MAN2A1: variants seen among roughly 807,000 people sequenced by gnomAD.
MAN2A1 encodes alpha-mannosidase 2.
In MAN2A1, 76 loss-of-function variants were observed where a neutral mutation model predicts 142.6. That is an observed-to-expected ratio of 0.53 (90% CI 0.44 to 0.65). The LOEUF (loss-of-function observed/expected upper bound fraction) is 0.65. MAN2A1 is among the 30% of genes least tolerant of loss of function. The pLI is 0.00. For synonymous variants in MAN2A1, 559 were observed against 473.2 expected (o/e 1.18, Z -2.35); for missense variants, 1,311 against 1,365.1 (o/e 0.96, Z 0.62).
chr5:109,759,399 G>A (rs538879303), intron 5 of MAN2A1, among the ~76,000 whole-genome samples: 1 of 152,164 alleles, frequency 6.6e-6, no homozygotes, highest in African/African-American at 2.4e-5. Flanking sequence ...ATTGATTTTT[G>A]TTAGTGATCT....
At chr5:109,840,995 C>T (rs1476878776) in intron 16 of MAN2A1, among the ~76,000 whole-genome samples, 1 of 152,190 alleles carries the variant, frequency 6.6e-6, no homozygotes, top group Admixed American at 6.5e-5. Context: ...CTTCCTTACT[C>T]CTTTCCTACC....
At chr5:109,822,103 A>G (rs1348884192) in intron 15 of MAN2A1, among the ~76,000 whole-genome samples, 1 of 150,992 alleles carries the variant, frequency 6.6e-6, no homozygotes, top group African/African-American at 2.4e-5. Context: ...TGTGTAGGCT[A>G]CAGTAAGGAC....
intron 4 of MAN2A1, among the ~76,000 whole-genome samples, chr5:109,740,074 C>T (rs774037397): frequency 6.6e-6 from 1 of 152,168 alleles, no homozygotes; most frequent in African/African-American, 2.4e-5. Context: ...TTTGTTAAGC[C>T]TGGACTTTTA....
intron 6 of MAN2A1, among the ~76,000 whole-genome samples, chr5:109,769,454 A>G (rs1377389630): frequency 6.6e-6 from 1 of 152,174 alleles, no homozygotes; most frequent in Non-Finnish European, 1.5e-5. Flanking sequence ...CGTAAGCAGT[A>G]CATACTCATT....
intron 8 of MAN2A1, among the ~76,000 whole-genome samples, chr5:109,775,284 G>GT (rs1753254241): frequency 6.6e-6 from 1 of 151,796 alleles, no homozygotes; most frequent in Non-Finnish European, 1.5e-5. Context: ...GTTTTGTTTT[G>GT]TTTTTTTACC....
At chr5:109,866,391 C>T (rs1241513415) in intron 21 of MAN2A1, among the ~76,000 whole-genome samples, 2 of 152,068 alleles carry the variant, frequency 1.3e-5, no homozygotes, top group Non-Finnish European at 2.9e-5. Flanking sequence ...TCTCTTAACT[C>T]TGTTGGAACA....
chr5:109,762,109 A>G (rs904076328), intron 5 of MAN2A1, among the ~76,000 whole-genome samples: 1 of 152,152 alleles, frequency 6.6e-6, no homozygotes, highest in Non-Finnish European at 1.5e-5. Context: ...TCATATGTAT[A>G]TTTAAACACA....
At chr5:109,831,012 A>C (rs1754892605) in intron 16 of MAN2A1, among the ~76,000 whole-genome samples, 1 of 152,234 alleles carries the variant, frequency 6.6e-6, no homozygotes, top group African/African-American at 2.4e-5. Context: ...TGAAGGGCAC[A>C]GGGATGGGGG....
chr5:109,847,717 A>G lies in MAN2A1; in HGVS notation c.2903A>G (p.Gln968Arg). The G allele has an allele frequency of 6.2e-7, 1 of 1,604,320 alleles. No homozygotes were observed. The highest frequency in any genetic ancestry group is 1.3e-5 in the African/African-American group (1 of 74,584). Residue 968 changes from glutamine to arginine, a missense_variant, in exon 19 of 22, where the codon CAA becomes CGA. By Grantham distance (43) the Gln-to-Arg change is conservative. Coordinates refer to ENST00000261483, the MANE Select transcript of MAN2A1 (RefSeq NM_002372.4). ...LMQDDNRGLEQGIQDNKITAN... is the reference protein window; with the variant it reads ...LMQDDNRGLERGIQDNKITAN... ...CAAGATGATAATCGTGGCCTTGAGCAAGGTATCCAGGATAACAAGATTACA... is the reference window on the plus strand; with the variant it reads ...CAAGATGATAATCGTGGCCTTGAGCGAGGTATCCAGGATAACAAGATTACA...
intron 20 of MAN2A1, chr5:109,863,488 C>G (rs183722028): frequency 4.9e-4 from 74 of 152,312 alleles, no homozygotes; most frequent in African/African-American, 1.8e-3. Flanking sequence ...CTGAACCACT[C>G]TTACTACACA....
intron 1 of MAN2A1, among the ~76,000 whole-genome samples, chr5:109,702,577 G>C (rs922078932): frequency 3.3e-5 from 5 of 152,110 alleles, no homozygotes; most frequent in African/African-American, 1.2e-4. Context: ...AGTAAAAACT[G>C]TCTTTGACCC....
intron 16 of MAN2A1, among the ~76,000 whole-genome samples, chr5:109,834,984 A>G (rs1403172941): frequency 6.6e-6 from 1 of 151,740 alleles, no homozygotes; most frequent in African/African-American, 2.4e-5. Context: ...TTTTTTTTTT[A>G]AATATGGTCA....
rs1423525344 is a variant in MAN2A1 at position 109,753,562 on chromosome 5, G to A, written c.708-1767G>A. Among the ~76,000 whole-genome samples the A allele has an allele frequency of 2.0e-5, 3 of 152,156 alleles. No homozygotes were observed. In the East Asian group the frequency reaches 5.8e-4, roughly 29 times the overall value. ...ACATAAATTTATTTCTTTAATTTTT[G>A]CAGGGAATTTATTATTTGATTGTTT... On this transcript the variant is annotated intron_variant, in intron 4 of 21. Coordinates refer to ENST00000261483, the MANE Select transcript of MAN2A1 (RefSeq NM_002372.4).
At chr5:109,837,132 G>T (rs1413908445) in intron 16 of MAN2A1, among the ~76,000 whole-genome samples, 1 of 149,136 alleles carries the variant, frequency 6.7e-6, no homozygotes, top group Non-Finnish European at 1.5e-5. Flanking sequence ...ACATGCTGGT[G>T]TGTGCCTCCT....
intron 1 of MAN2A1, among the ~76,000 whole-genome samples, chr5:109,697,778 G>A (rs1336086701): frequency 9.8e-5 from 15 of 152,312 alleles, no homozygotes; most frequent in Admixed American, 9.8e-4. Flanking sequence ...GAGGCAAATA[G>A]TATTGTTAGA....
intron 12 of MAN2A1, among the ~76,000 whole-genome samples, chr5:109,803,377 A>G (rs1470244675): frequency 2.6e-5 from 4 of 152,044 alleles, no homozygotes; most frequent in Non-Finnish European, 5.9e-5. Flanking sequence ...TTAATTAACT[A>G]ATTGCATGGT....
At chr5:109,764,888 C>A (rs1752948483) in intron 5 of MAN2A1, among the ~76,000 whole-genome samples, 1 of 152,044 alleles carries the variant, frequency 6.6e-6, no homozygotes, top group Non-Finnish European at 1.5e-5. Context: ...TTATAAGTGG[C>A]ATCATAGTAC....
At chr5:109,700,373 T>G (rs1750943525) in intron 1 of MAN2A1, among the ~76,000 whole-genome samples, 2 of 151,890 alleles carry the variant, frequency 1.3e-5, no homozygotes, top group Non-Finnish European at 2.9e-5. Context: ...TCCTTTGTGA[T>G]GAGAAGCCTT....
chr5:109,808,093 T>A (rs1045439311), intron 12 of MAN2A1, among the ~76,000 whole-genome samples: 1 of 152,234 alleles, frequency 6.6e-6, no homozygotes, highest in Non-Finnish European at 1.5e-5. Context: ...TCTAACTTCA[T>A]ATAATTGCAT....
Sources: allele counts gnomAD v4.1 joint callset (sites outside exome capture counted in the v4.1 genomes callset), GRCh38; gene constraint gnomAD v4.1.1; transcripts MANE v1.5; gene names NCBI Gene and HGNC (gene_info 2026-07-23, HGNC 2026-07-21).